The following NPAS3 variants were observed in gnomAD, a reference collection of about 807,000 sequenced individuals.
NPAS3 encodes the protein neuronal PAS domain protein 3.
Under a neutral mutation model 73.1 loss-of-function variants are expected in NPAS3, and 14 were observed. That is an observed-to-expected ratio of 0.19 (90% CI 0.13 to 0.30). The LOEUF (loss-of-function observed/expected upper bound fraction) is 0.30, where lower values mean the gene tolerates loss of function less well. Ranked by LOEUF, NPAS3 falls within the 10% of genes least tolerant of loss-of-function variation. The pLI, the probability that NPAS3 is intolerant of heterozygous loss-of-function variation, is 1.00. For synonymous variants in NPAS3, 620 were observed against 541.5 expected (o/e 1.14, Z -2.01); for missense variants, 1,096 against 1,250.0 (o/e 0.88, Z 1.86).
intron 4 of NPAS3, among the ~76,000 whole-genome samples, chr14:33,486,393 T>G (rs186044727): frequency 1.1e-4 from 17 of 152,238 alleles, no homozygotes; most frequent in Admixed American, 1.1e-3. Flanking sequence ...GTTCACAGAA[T>G]AGACTATGTT....
intron 5 of NPAS3, among the ~76,000 whole-genome samples, chr14:33,587,703 T>C (rs573581652): frequency 2.0e-5 from 3 of 152,342 alleles, no homozygotes; most frequent in East Asian, 1.9e-4. Context: ...TAGTATACTA[T>C]AGTGTATCTT....
chr14:33,500,673 T>A (rs1282408990), intron 4 of NPAS3, among the ~76,000 whole-genome samples: 1 of 151,968 alleles, frequency 6.6e-6, no homozygotes, highest in Non-Finnish European at 1.5e-5. Context: ...TACATCAGCT[T>A]TAAAAAACAA....
Position 33,178,070 on chromosome 14 carries a change from A to ATTTTTT in NPAS3, c.141-37109_141-37104dup, listed in dbSNP as rs780708461. 1.3e-4 allele frequency among the ~76,000 whole-genome samples: 16 copies of ATTTTTT among 123,870 alleles called. 5 individuals are homozygous for ATTTTTT. Among genetic ancestry groups the ATTTTTT allele is most frequent in the Non-Finnish European group, 1.8e-4 (11 of 60,548 alleles). The allele number at this position is 123,870 out of a possible 152,430, so 81.3% of individuals were successfully genotyped here. A position where few individuals can be genotyped will look rare whatever the true frequency, so the allele number is the denominator to read the frequency against. On this transcript the variant is annotated intron_variant, in intron 2 of 11. Transcript: ENST00000356141. ...GGAATTTTGATAGGCATTGAAGTGA[A>ATTTTTT]TTTTTTTTGTTTTTTTTTTTTTGGA...
At chr14:33,140,043 T>C (rs2043989141) in intron 2 of NPAS3, among the ~76,000 whole-genome samples, 1 of 152,276 alleles carries the variant, frequency 6.6e-6, no homozygotes, top group African/African-American at 2.4e-5. Flanking sequence ...TTAATAATTA[T>C]AGTAGTACTC....
chr14:33,147,139 AATT>A (rs1031480825), intron 2 of NPAS3, among the ~76,000 whole-genome samples: 1 of 152,112 alleles, frequency 6.6e-6, no homozygotes, highest in African/African-American at 2.4e-5. Flanking sequence ...TTGAATGAGA[AATT>A]ATTGATTGAA....
At chr14:33,647,498 G>C (rs2058868097) in intron 5 of NPAS3, among the ~76,000 whole-genome samples, 1 of 152,034 alleles carries the variant, frequency 6.6e-6, no homozygotes, top group Admixed American at 6.6e-5. Context: ...TAGTCATTCT[G>C]TTGTATTTAG....
intron 1 of NPAS3, among the ~76,000 whole-genome samples, chr14:32,954,216 T>A (rs2036590081): frequency 1.3e-5 from 2 of 152,214 alleles, no homozygotes; most frequent in Admixed American, 1.3e-4. Context: ...TCGGTTTAGC[T>A]GATTCAGTAG....
intron 5 of NPAS3, among the ~76,000 whole-genome samples, chr14:33,662,275 T>C (rs1373627123): frequency 1.3e-5 from 2 of 152,190 alleles, no homozygotes; most frequent in African/African-American, 4.8e-5. Context: ...AAGGGCATTA[T>C]TGAAATACTC....
chr14:33,720,806 G>T (rs1300849657), intron 6 of NPAS3, among the ~76,000 whole-genome samples: 1 of 152,152 alleles, frequency 6.6e-6, no homozygotes, highest in Non-Finnish European at 1.5e-5. Context: ...GTCTCAGGCT[G>T]ATTCTGACAG....
chr14:33,042,432 A>G (rs547360623), intron 1 of NPAS3, among the ~76,000 whole-genome samples: 1 of 152,332 alleles, frequency 6.6e-6, no homozygotes, highest in South Asian at 2.1e-4. Flanking sequence ...CCCACCAGGT[A>G]TATAAGGAAT....
At chr14:33,299,253 T>C (rs1033929025) in intron 3 of NPAS3, among the ~76,000 whole-genome samples, 11 of 152,180 alleles carry the variant, frequency 7.2e-5, no homozygotes, top group Non-Finnish European at 1.6e-4. Context: ...CATCTTAGCT[T>C]CTGGGTTAGG....
At chr14:33,765,118 C>T (rs2062419188) in intron 7 of NPAS3, among the ~76,000 whole-genome samples, 3 of 152,034 alleles carry the variant, frequency 2.0e-5, no homozygotes, top group Admixed American at 2.0e-4. Context: ...GAAGCTAAAG[C>T]TGTAATTATA....
intron 2 of NPAS3, among the ~76,000 whole-genome samples, chr14:33,123,077 T>C (rs2043290566): frequency 1.3e-5 from 2 of 150,350 alleles, no homozygotes; most frequent in Non-Finnish European, 3.0e-5. Flanking sequence ...ATATACCTTT[T>C]AAACAACATT....
At chr14:33,464,070 C>G (rs7155832) in intron 4 of NPAS3, among the ~76,000 whole-genome samples, 114,862 of 152,116 alleles carry the variant, frequency 0.76, 43,713 homozygotes, top group South Asian at 0.82. Flanking sequence ...TTTTTTTGTT[C>G]CACTGTGCTC....
intron 4 of NPAS3, among the ~76,000 whole-genome samples, chr14:33,382,910 G>A (rs2046617272): frequency 6.6e-6 from 1 of 151,822 alleles, no homozygotes; most frequent in Non-Finnish European, 1.5e-5. Flanking sequence ...GGGCAACCTG[G>A]CAATACCTCA....
At chr14:33,601,013 AC>A (rs2057385098) in intron 5 of NPAS3, among the ~76,000 whole-genome samples, 1 of 152,114 alleles carries the variant, frequency 6.6e-6, no homozygotes, top group African/African-American at 2.4e-5. Flanking sequence ...CAGTGGGAGA[AC>A]AGAAACATAC....
At chr14:33,079,325 C>CTTTTTTTT (rs772885846) in intron 2 of NPAS3, among the ~76,000 whole-genome samples, 2 of 132,300 alleles carry the variant, frequency 1.5e-5, no homozygotes, top group African/African-American at 2.9e-5. Flanking sequence ...TTTCTTTTTC[C>CTTTTTTTT]TTTTTTTTTT....
intron 3 of NPAS3, among the ~76,000 whole-genome samples, chr14:33,328,392 GT>G (rs57600021): frequency 0.029 from 3,684 of 127,054 alleles, 150 homozygotes; most frequent in African/African-American, 0.1. Flanking sequence ...TGTTTTTCCT[GT>G]TTTTTCTCTA....
chr14:32,995,238 T>C (rs1328864809), intron 1 of NPAS3, among the ~76,000 whole-genome samples: 1 of 152,216 alleles, frequency 6.6e-6, no homozygotes, highest in Non-Finnish European at 1.5e-5. Context: ...AGTAGGGATT[T>C]ATCCTTCTTG....
Sources: allele counts gnomAD v4.1 joint callset (sites outside exome capture counted in the v4.1 genomes callset), GRCh38; gene constraint gnomAD v4.1.1; transcripts MANE v1.5; gene names NCBI Gene and HGNC (gene_info 2026-07-23, HGNC 2026-07-21).